ABRAXAS1: variants seen among roughly 807,000 people sequenced by gnomAD.
ABRAXAS1 encodes abraxas 1, BRCA1 A complex subunit.
In ABRAXAS1, 26 loss-of-function variants were observed where a neutral mutation model predicts 38.4. That is an observed-to-expected ratio of 0.68 (90% CI 0.50 to 0.94). The LOEUF (loss-of-function observed/expected upper bound fraction) is 0.94. Ranked by LOEUF, ABRAXAS1 falls within the 40% of genes least tolerant of loss-of-function variation. ABRAXAS1 has a pLI of 0.00. For synonymous variants in ABRAXAS1, 144 were observed against 165.5 expected, an observed-to-expected ratio of 0.87 and a Z score of 1.00; for missense variants, 438 against 481.9, an observed-to-expected ratio of 0.91 and a Z score of 0.85.
intron 7 of ABRAXAS1, among the ~76,000 whole-genome samples, chr4:83,465,548 G>A (rs1456362320): frequency 6.6e-6 from 1 of 152,150 alleles, no homozygotes; most frequent in Non-Finnish European, 1.5e-5. Flanking sequence ...AGTACTTTGG[G>A]AGGCCAAGGA....
intron 1 of ABRAXAS1, chr4:83,484,091 C>T: frequency 1.1e-6 from 1 of 945,380 alleles, no homozygotes; most frequent in Non-Finnish European, 1.3e-6. Context: ...TGGTCTCGAA[C>T]TCGTGGGCTC....
chr4:83,460,839 G>C lies in ABRAXAS1; in HGVS notation c.*1630C>G, dbSNP rs1280181643. 39 of 698,706 alleles carry C rather than the reference G, an allele frequency of 5.6e-5. No individual in the cohort carries two copies. The highest frequency in any genetic ancestry group is 5.0e-6 in the Non-Finnish European group (2 of 403,680). 43.3% of individuals were successfully genotyped at this position (698,706 alleles called of 1,614,324 possible). A position where few individuals can be genotyped will look rare whatever the true frequency, so the allele number is the denominator to read the frequency against. On this transcript the variant is annotated 3_prime_UTR_variant, in exon 9 of 9. Transcript: ENST00000321945. ...GATAATCGATTGAGCCTGGGTGGCG[G>C]AGGTTGCAGTGAGGCGAGAGAGCAC... is the stretch of plus-strand genomic sequence containing the variant.
intron 3 of ABRAXAS1, among the ~76,000 whole-genome samples, chr4:83,473,133 G>C (rs1484049730): frequency 6.6e-6 from 1 of 152,058 alleles, no homozygotes; most frequent in East Asian, 1.9e-4. Flanking sequence ...ACAAAAATTA[G>C]CTGGGGTGTG....
Position 83,477,774 on chromosome 4 carries a change from C to T in ABRAXAS1, c.179-1095G>A, listed in dbSNP as rs184939653. 1.7e-3 allele frequency: 1,193 copies of T among 710,094 alleles called. 4 individuals are homozygous for T. In the Middle Eastern group the frequency reaches 0.018, roughly 11 times the overall value. 44.0% of individuals were successfully genotyped at this position (710,094 alleles called of 1,614,324 possible). A position where few individuals can be genotyped will look rare whatever the true frequency, so the allele number is the denominator to read the frequency against. ...TTGGCTCTGTATTCAGGAATTGCTCCTGTTTTGCAAAGACAAGCATCATAT... is the reference window on the plus strand; with the variant it reads ...TTGGCTCTGTATTCAGGAATTGCTCTTGTTTTGCAAAGACAAGCATCATAT... On this transcript the variant is annotated intron_variant, in intron 2 of 8. Coordinates refer to ENST00000321945, the MANE Select transcript of ABRAXAS1 (RefSeq NM_139076.3).
chr4:83,477,708 T>A, intron 2 of ABRAXAS1: 1 of 618,032 alleles, frequency 1.6e-6, no homozygotes, highest in Non-Finnish European at 3.2e-6. Context: ...TATAGACGGA[T>A]GTTTCATGCT....
chr4:83,475,893 A>G (rs990573103), intron 3 of ABRAXAS1, among the ~76,000 whole-genome samples: 11 of 152,332 alleles, frequency 7.2e-5, no homozygotes, highest in African/African-American at 2.2e-4. Flanking sequence ...TAGAAAAGCA[A>G]TAAGAAACAG....
In ABRAXAS1 at chr4:83,471,551, G is replaced by A. The variant is rs146373012; in HGVS notation, c.282+671C>T. ...AATCTATTTTTATTTTCAAATCAAAGTTTTAAGAGAAAAAGTAGTGCCTTG... is the reference window on the plus strand; with the variant it reads ...AATCTATTTTTATTTTCAAATCAAAATTTTAAGAGAAAAAGTAGTGCCTTG... On this transcript the variant is annotated intron_variant, in intron 4 of 8. Transcript: ENST00000321945. Among the ~76,000 whole-genome samples, 874 of 152,192 alleles carry A rather than the reference G, an allele frequency of 5.7e-3. 9 individuals are homozygous for A. The highest frequency in any genetic ancestry group is 0.019 in the African/African-American group (784 of 41,536).
Position 83,470,270 on chromosome 4 carries a change from G to T in ABRAXAS1, c.409C>A (p.Pro137Thr). The T allele has an allele frequency of 6.2e-7, 1 of 1,613,652 alleles. No homozygotes were observed. The highest frequency in any genetic ancestry group is 1.3e-5 in the African/African-American group (1 of 75,018). Reference sequence around the variant, plus strand: ...GAGCAGCTTTCTGTTATTATACTTGGTGTTAATAGCAGAAAAACAAGGTCT... The same window carrying T: ...GAGCAGCTTTCTGTTATTATACTTGTTGTTAATAGCAGAAAAACAAGGTCT... ...NQDLVFLLLT[P>T]SIITESCSTH... Residue 137 changes from proline to threonine, a missense_variant, in exon 5 of 9, where the codon CCA (proline) becomes ACA (threonine). This residue lies in a region of ABRAXAS1 where 194 missense variants were observed against 269.0 expected (regional missense o/e 0.72). Transcript: ENST00000321945.
chr4:83,482,345 C>CT, intron 1 of ABRAXAS1, 101 bp from the exon 2 acceptor site: 1 of 615,100 alleles, frequency 1.6e-6, no homozygotes. Flanking sequence ...ACAATATGTG[C>CT]TACCAGTCGG....
chr4:83,463,927 T>A (rs1722247637), intron 7 of ABRAXAS1: 1 of 159,056 alleles, frequency 6.3e-6, no homozygotes, highest in East Asian at 1.8e-4. Flanking sequence ...GGCTCACGCC[T>A]GTAATCCCAG....
rs745759995 is a variant in ABRAXAS1, at chr4:83,480,399, CAT to C, written c.178+1753_178+1754del. 29 of 402,736 alleles carry C rather than the reference CAT, an allele frequency of 7.2e-5. No individual in the cohort carries two copies. The Admixed American group carries it at 8.1e-4, about 11-fold the overall frequency. 24.9% of individuals were successfully genotyped at this position (402,736 alleles called of 1,614,324 possible). ...AACAAAAACAAAATGTATATATACA[CAT>C]ATATATACACACACACATTTACATT... On this transcript the variant is annotated intron_variant, in intron 2 of 8. Transcript: ENST00000321945.
rs2110032753 is a variant in ABRAXAS1, at chr4:83,462,511, CT to C, written c.1187del (p.Lys396ArgfsTer2). The C allele has an allele frequency of 1.2e-6, 2 of 1,613,920 alleles. No homozygotes were observed. Among genetic ancestry groups the C allele is most frequent in the South Asian group, 2.2e-5 (2 of 91,040 alleles). ...SSPETDEEIEKMKGFGEYSRS... is the reference protein window; with the variant it reads ...SSPETDEEIEXMKGFGEYSRS... ...GTGAATATTCACCAAAACCCTTCATCTTTTCAATTTCTTCATCTGTTTCTGG... is the reference window on the plus strand; with the variant it reads ...GTGAATATTCACCAAAACCCTTCATCTTTCAATTTCTTCATCTGTTTCTGG... On this transcript the variant is annotated frameshift_variant, in exon 9 of 9. Transcript: ENST00000321945. LOFTEE classifies it high-confidence loss of function.
Position 83,462,609 on chromosome 4 carries a change from C to T in ABRAXAS1, c.1090G>A (p.Asp364Asn), listed in dbSNP as rs747151396. 8.1e-6 allele frequency: 13 copies of T among 1,614,066 alleles called. No homozygotes were observed. The highest frequency in any genetic ancestry group is 1.1e-5 in the South Asian group (1 of 91,084). ...GCTTTAGATCGTTTGTCTTGTGTAT[C>T]TAACAACCGAGATCTCTTGAATTGC... ...RWQFKRSRLL[D>N]TQDKRSKADT... The change falls in exon 9 of 9, where the codon GAT becomes AAT. Residue 364 changes from aspartate (D) to asparagine (N), a missense_variant. Around this residue, in one of 3 missense-constraint regions of ABRAXAS1, gnomAD observed 184 missense variants for 181.9 expected, o/e 1.01. Coordinates refer to ENST00000321945, the MANE Select transcript of ABRAXAS1 (RefSeq NM_139076.3).
At chr4:83,465,780 A>G (rs1289457213) in intron 7 of ABRAXAS1, among the ~76,000 whole-genome samples, 4 of 152,182 alleles carry the variant, frequency 2.6e-5, no homozygotes, top group African/African-American at 4.8e-5. Context: ...AGAGCAAGAC[A>G]CTGTCTCTAA....
At chr4:83,470,866 G>A (rs942071482) in intron 4 of ABRAXAS1, among the ~76,000 whole-genome samples, 7 of 152,084 alleles carry the variant, frequency 4.6e-5, no homozygotes, top group African/African-American at 1.2e-4. Flanking sequence ...TCACCTACCC[G>A]ACAAACTTGG....
At position 83,467,711 on chromosome 4, in the gene ABRAXAS1, T is replaced by C. The variant is rs149680730; in HGVS notation, c.597-173A>G. On this transcript the variant is annotated intron_variant, in intron 6 of 8. Transcript: ENST00000321945. ...AAAACCAACCACAAAACCTACTTCATTGATCTTCACATTAGCAAACTTTTT... is the reference window on the plus strand; with the variant it reads ...AAAACCAACCACAAAACCTACTTCACTGATCTTCACATTAGCAAACTTTTT... Among the ~76,000 whole-genome samples the C allele has an allele frequency of 2.2e-4, 33 of 152,342 alleles. 1 individual carries two copies. The East Asian group carries it at 5.8e-3, about 27-fold the overall frequency.
At chr4:83,484,561 G>A (rs922694182) in intron 1 of ABRAXAS1, among the ~76,000 whole-genome samples, 1 of 152,224 alleles carries the variant, frequency 6.6e-6, no homozygotes, top group African/African-American at 2.4e-5. Flanking sequence ...AACACGCACA[G>A]ACGCTGCTCT....
intron 3 of ABRAXAS1, among the ~76,000 whole-genome samples, chr4:83,473,888 T>C (rs1722673358): frequency 1.3e-5 from 2 of 151,452 alleles, no homozygotes; most frequent in African/African-American, 2.4e-5. Context: ...TCCCAGCACT[T>C]TGGGAGGCTG....
chr4:83,464,439 G>C (rs1230102298), intron 7 of ABRAXAS1, among the ~76,000 whole-genome samples: 2 of 151,746 alleles, frequency 1.3e-5, no homozygotes, highest in East Asian at 3.9e-4. Context: ...GAATATATCT[G>C]AATAACAACA....
Sources: allele counts gnomAD v4.1 joint callset (sites outside exome capture counted in the v4.1 genomes callset), GRCh38; gene constraint gnomAD v4.1.1; regional missense constraint gnomAD v4.1.1; transcripts MANE v1.5; gene names NCBI Gene and HGNC (gene_info 2026-07-23, HGNC 2026-07-21).